Variants in CDC14A observed in about 807,000 individuals in gnomAD.
CDC14A encodes cell division cycle 14A, also known as dual specificity protein phosphatase CDC14A.
A neutral mutation model predicts 74.4 loss-of-function variants in CDC14A; 53 were observed. The observed-to-expected ratio is 0.71, with a 90% CI of 0.57 to 0.89. The LOEUF (loss-of-function observed/expected upper bound fraction) is 0.89. Ranked by LOEUF, CDC14A falls within the 40% of genes least tolerant of loss-of-function variation. The pLI, the probability that CDC14A is intolerant of heterozygous loss-of-function variation, is 0.00. For missense variants in CDC14A, 646 were observed against 713.7 expected, an observed-to-expected ratio of 0.91 and a Z score of 1.08; for synonymous variants, 247 against 258.4, an observed-to-expected ratio of 0.96 and a Z score of 0.43.
chr1:100,484,506 T>C, intron 11 of CDC14A, 55 bp downstream of exon 11: 1 of 1,539,196 alleles, frequency 6.5e-7, no homozygotes, highest in Non-Finnish European at 8.7e-7. Flanking sequence ...TGCATTTGTT[T>C]CTCAGTTGGA....
chr1:100,402,214 G>T (rs528261146), intron 4 of CDC14A, among the ~76,000 whole-genome samples: 2 of 151,820 alleles, frequency 1.3e-5, no homozygotes, highest in Middle Eastern at 3.5e-3. Context: ...ACTTGAAATT[G>T]TTTGCCGTGC....
chr1:100,437,720 A>G (rs1345445031), intron 5 of CDC14A, among the ~76,000 whole-genome samples: 2 of 152,166 alleles, frequency 1.3e-5, no homozygotes, highest in Non-Finnish European at 2.9e-5. Flanking sequence ...AGGAGGTATC[A>G]TGGAAGCCTC....
intron 11 of CDC14A, among the ~76,000 whole-genome samples, chr1:100,492,176 A>C (rs896295851): frequency 4.6e-5 from 7 of 152,214 alleles, no homozygotes; most frequent in African/African-American, 1.7e-4. Flanking sequence ...ATGCAAAGTA[A>C]TTATAATTTA....
intron 10 of CDC14A, 47 bp downstream of exon 10, chr1:100,468,141 T>G (rs1668030780): frequency 6.2e-7 from 1 of 1,604,228 alleles, no homozygotes; most frequent in African/African-American, 1.3e-5. Context: ...TTCTTGATCC[T>G]TTCTACCTCT....
intron 7 of CDC14A, among the ~76,000 whole-genome samples, chr1:100,443,409 A>C (rs894300634): frequency 1.3e-5 from 2 of 151,944 alleles, no homozygotes; most frequent in Non-Finnish European, 2.9e-5. Context: ...ATCTCGGATC[A>C]CTGCAACCTC....
At chr1:100,366,905 C>T (rs562339081) in intron 2 of CDC14A, among the ~76,000 whole-genome samples, 1 of 152,258 alleles carries the variant, frequency 6.6e-6, no homozygotes, top group East Asian at 1.9e-4. Context: ...GAGAATCATT[C>T]GTTCATTTGT....
chr1:100,352,021 A>G (rs939202677), upstream of CDC14A, among the ~76,000 whole-genome samples: 2 of 141,498 alleles, frequency 1.4e-5, no homozygotes, highest in Non-Finnish European at 3.2e-5. Context: ...CGCGCGCCCT[A>G]CAAGAGTTTA....
At position 100,498,212 on chromosome 1, in the gene CDC14A, T is replaced by A. The variant is rs776762936; in HGVS notation, c.1421+5T>A. The A allele has an allele frequency of 1.9e-6, 3 of 1,613,042 alleles. No individual in the cohort carries two copies. On this transcript the variant is annotated splice_donor_5th_base_variant and intron_variant, in intron 14 of 15. Transcript: ENST00000336454. ...TTCGGGTGCCACTGTAAGAAGGTAA[T>A]TTTTCTCTCCCTCTTCTAAGGTGCT...
chr1:100,468,101 A>G lies in CDC14A; in HGVS notation c.977+7A>G, dbSNP rs1480712372. On this transcript the variant is annotated splice_region_variant and intron_variant, in intron 10 of 15. Coordinates refer to ENST00000336454, the MANE Select transcript of CDC14A (RefSeq NM_003672.4). The stretch of plus-strand genomic sequence containing the variant: ...AGCAGCACTTCCTGGAAGAGTAAGT[A>G]TATTGTCCCCATTACCACATTATAT... 2 of 1,613,552 alleles carry G rather than the reference A, an allele frequency of 1.2e-6. No individual in the cohort carries two copies. The highest frequency in any genetic ancestry group is 1.3e-5 in the African/African-American group (1 of 74,834).
At position 100,498,131 on chromosome 1, in the gene CDC14A, A is replaced by G. The variant is rs752941272; in HGVS notation, c.1345A>G (p.Lys449Glu). ...ATCTGCAGTTACTTTGAAGACATCAAAAATGGCACTGTCCCCTTCAGCAAC... is the reference window on the plus strand; with the variant it reads ...ATCTGCAGTTACTTTGAAGACATCAGAAATGGCACTGTCCCCTTCAGCAAC... ...QGSAVTLKTSKMALSPSATAK... is the reference protein window; with the variant it reads ...QGSAVTLKTSEMALSPSATAK... The change falls in exon 14 of 16, where the codon AAA (lysine) becomes GAA (glutamate). Residue 449 changes from lysine (K) to glutamate (E), a missense_variant. Physicochemically the swap from Lys to Glu is moderately conservative, Grantham distance 56. Transcript: ENST00000336454. 1.9e-6 allele frequency: 3 copies of G among 1,614,084 alleles called. No individual in the cohort carries two copies. The African/African-American group carries it at 4.0e-5, about 22-fold the overall frequency.
chr1:100,385,336 T>C, intron 3 of CDC14A, among the ~76,000 whole-genome samples: 1 of 152,342 alleles, frequency 6.6e-6, no homozygotes, highest in East Asian at 1.9e-4. Flanking sequence ...ATGTAAATTC[T>C]CAGGCCCTAC....
At chr1:100,351,241 A>G (rs960241681), upstream of CDC14A, among the ~76,000 whole-genome samples, 3 of 151,784 alleles carry the variant, frequency 2.0e-5, no homozygotes, top group Admixed American at 6.6e-5. Context: ...AAAACCTGCA[A>G]TTGGCCCTCG....
At chr1:100,407,200 T>C (rs556347899) in intron 4 of CDC14A, among the ~76,000 whole-genome samples, 1 of 151,352 alleles carries the variant, frequency 6.6e-6, no homozygotes, top group East Asian at 1.9e-4. Context: ...TGATTCCATA[T>C]GAATTTTAAA....
Position 100,508,599 on chromosome 1 carries a change from G to A in CDC14A, c.1755+9337G>A, listed in dbSNP as rs1227705196. On this transcript the variant is annotated intron_variant, in intron 15 of 15. Coordinates refer to ENST00000336454, the MANE Select transcript of CDC14A (RefSeq NM_003672.4). This position sits in a 1 kb window ranked among gnomAD's most constrained non-coding sequence, Gnocchi z 4.4. ...TCTAGAAACAGACCTTAATGACCCA[G>A]GCTTCCATCTCTTGGTGAGCTCCTC... is the stretch of plus-strand genomic sequence containing the variant. Among the ~76,000 whole-genome samples, 1 of 152,138 alleles carries A rather than the reference G, an allele frequency of 6.6e-6. No homozygotes were observed. The highest frequency in any genetic ancestry group is 6.5e-5 in the Admixed American group (1 of 15,272).
intron 10 of CDC14A, among the ~76,000 whole-genome samples, chr1:100,479,430 C>A (rs1188321691): frequency 6.6e-6 from 1 of 152,146 alleles, no homozygotes; most frequent in Non-Finnish European, 1.5e-5. Flanking sequence ...TTGTCCCCGA[C>A]CCCACCTTCT....
At chr1:100,424,524 C>G (rs1662727482) in intron 5 of CDC14A, among the ~76,000 whole-genome samples, 1 of 152,086 alleles carries the variant, frequency 6.6e-6, no homozygotes, top group Non-Finnish European at 1.5e-5. Context: ...TTCTTTGAAT[C>G]CTTTCTATAT....
At chr1:100,375,056 G>A (rs1282123821) in intron 2 of CDC14A, among the ~76,000 whole-genome samples, 2 of 152,118 alleles carry the variant, frequency 1.3e-5, no homozygotes, top group Non-Finnish European at 2.9e-5. Flanking sequence ...TGACTCAGAC[G>A]GTAAGTTTTG....
At chr1:100,373,125 A>T (rs1654713764) in intron 2 of CDC14A, among the ~76,000 whole-genome samples, 1 of 152,180 alleles carries the variant, frequency 6.6e-6, no homozygotes, top group Non-Finnish European at 1.5e-5. Context: ...ACTAAGCTTA[A>T]TCATTTCTAC....
chr1:100,364,214 A>AT (rs1653217291), intron 2 of CDC14A, among the ~76,000 whole-genome samples: 1 of 148,328 alleles, frequency 6.7e-6, no homozygotes, highest in African/African-American at 2.5e-5. Flanking sequence ...TTTTTTTTTA[A>AT]TTTTTTATTT....
Sources: allele counts gnomAD v4.1 joint callset (sites outside exome capture counted in the v4.1 genomes callset), GRCh38; gene constraint gnomAD v4.1.1; non-coding constraint Gnocchi (gnomAD v3.1); transcripts MANE v1.5; gene names NCBI Gene and HGNC (gene_info 2026-07-23, HGNC 2026-07-21).